NSUN6: variants seen among roughly 807,000 people sequenced by gnomAD.
The protein encoded by NSUN6 is tRNA (cytosine(72)-C(5))-methyltransferase NSUN6.
NSUN6 carries 64 observed loss-of-function variants against 58.0 expected under a neutral mutation model. The observed-to-expected ratio is 1.10, with a 90% confidence interval of 0.90 to 1.36. The LOEUF is 1.36. NSUN6 is among the 40% of genes most tolerant of loss of function. The pLI is 0.00. For missense variants in NSUN6, 701 were observed against 550.1 expected, an observed-to-expected ratio of 1.27 and a Z score of -2.74; for synonymous variants, 231 against 193.9, an observed-to-expected ratio of 1.19 and a Z score of -1.59.
intron 6 of NSUN6, among the ~76,000 whole-genome samples, chr10:18,603,483 T>C (rs1268892892): frequency 6.6e-6 from 1 of 151,492 alleles, no homozygotes; most frequent in Non-Finnish European, 1.5e-5. Flanking sequence ...CTTTTCTTTT[T>C]TTTTGGGATG....
At chr10:18,651,917 C>A (rs1457420377), upstream of NSUN6, 2 of 985,432 alleles carry the variant, frequency 2.0e-6, no homozygotes. Flanking sequence ...TGAAAAAAGG[C>A]ACAGCCCAGT....
At chr10:18,637,810 T>C (rs1347474098) in intron 3 of NSUN6, among the ~76,000 whole-genome samples, 2 of 152,266 alleles carry the variant, frequency 1.3e-5, no homozygotes, top group Non-Finnish European at 2.9e-5. Flanking sequence ...TAGTGTTATA[T>C]AATTGTGAGA....
chr10:18,555,653 A>AGAATGGAATG (rs140039483), intron 8 of NSUN6, among the ~76,000 whole-genome samples: 88,234 of 146,992 alleles, frequency 0.6, 26,826 homozygotes, highest in East Asian at 0.94. Context: ...AATGGAGAAC[A>AGAATGGAATG]GAATGGAATG....
chr10:18,594,514 T>C lies in NSUN6; in HGVS notation c.777+1694A>G, dbSNP rs1488032366. On this transcript the variant is annotated intron_variant, in intron 7 of 10. Transcript: ENST00000377304. ...CCCATGCTGGAGTGCAGTGGCGCGA[T>C]CTTGGCTCACTGCAATCTCTGCCTC... 2.6e-5 allele frequency among the ~76,000 whole-genome samples: 4 copies of C among 152,010 alleles called. No homozygotes were observed. The East Asian group carries it at 5.8e-4, about 22-fold the overall frequency.
At chr10:18,630,858 A>G (rs2059005654) in intron 3 of NSUN6, among the ~76,000 whole-genome samples, 1 of 152,132 alleles carries the variant, frequency 6.6e-6, no homozygotes, top group Non-Finnish European at 1.5e-5. Flanking sequence ...TTCTGAAACT[A>G]TTCCAATCAA....
At chr10:18,638,848 G>A (rs2059302780) in intron 3 of NSUN6, among the ~76,000 whole-genome samples, 1 of 144,410 alleles carries the variant, frequency 6.9e-6, no homozygotes, top group Non-Finnish European at 1.5e-5. Context: ...CATTAATAAA[G>A]ATAAGAAATG....
chr10:18,616,379 C>T, intron 3 of NSUN6, 86 bp from the exon 4 acceptor site: 2 of 762,756 alleles, frequency 2.6e-6, no homozygotes, highest in Non-Finnish European at 4.6e-6. Flanking sequence ...AACTCTAATG[C>T]CTCTTTAGTC....
chr10:18,579,196 G>A lies in NSUN6; in HGVS notation c.922+6753C>T, dbSNP rs151226105. On this transcript the variant is annotated intron_variant, in intron 8 of 10. Coordinates refer to ENST00000377304, the MANE Select transcript of NSUN6 (RefSeq NM_182543.5). ...TTTATTACTATTTTTTTTTTGAGAC[G>A]GAGTCTCGCTCTGTCACCCAGGCTG... Among the ~76,000 whole-genome samples, 572 of 151,518 alleles carry A rather than the reference G, an allele frequency of 3.8e-3. 3 individuals are homozygous for A. Among genetic ancestry groups the A allele is most frequent in the African/African-American group, 0.012 (514 of 41,322 alleles).
intron 8 of NSUN6, among the ~76,000 whole-genome samples, chr10:18,567,636 T>C (rs2056060145): frequency 6.6e-6 from 1 of 151,070 alleles, no homozygotes; most frequent in East Asian, 1.9e-4. Flanking sequence ...CTCTATTCCA[T>C]TCTCCATTCC....
At chr10:18,566,244 A>C (rs1038467112) in intron 8 of NSUN6, among the ~76,000 whole-genome samples, 5 of 139,892 alleles carry the variant, frequency 3.6e-5, no homozygotes, top group African/African-American at 1.4e-4. Context: ...AATCCATTCC[A>C]TTCCACATTC....
chr10:18,658,013 C>A (rs2059797048), upstream of NSUN6, among the ~76,000 whole-genome samples: 1 of 148,590 alleles, frequency 6.7e-6, no homozygotes, highest in African/African-American at 2.5e-5. Flanking sequence ...ATGTGGTTTA[C>A]ATCCATGTCT....
At chr10:18,571,455 T>C (rs559549562) in intron 8 of NSUN6, among the ~76,000 whole-genome samples, 1 of 150,150 alleles carries the variant, frequency 6.7e-6, no homozygotes, top group South Asian at 2.1e-4. Flanking sequence ...CCATTCTCTA[T>C]TCCATTCCAA....
intron 2 of NSUN6, among the ~76,000 whole-genome samples, chr10:18,642,851 T>C (rs1446095557): frequency 6.6e-6 from 1 of 152,222 alleles, no homozygotes; most frequent in Non-Finnish European, 1.5e-5. Flanking sequence ...TTTTATTTAA[T>C]ATAGAATTAC....
rs192400349 is a variant in NSUN6, at chr10:18,628,093, G to C, written c.312-11800C>G. 1.2e-3 allele frequency among the ~76,000 whole-genome samples: 179 copies of C among 152,284 alleles called. 1 individual carries two copies. The highest frequency in any genetic ancestry group is 2.0e-3 in the Non-Finnish European group (137 of 68,028). On this transcript the variant is annotated intron_variant, in intron 3 of 10. Transcript: ENST00000377304. ...GGCAGACTGCCTCAAGTGGGTCCCT[G>C]ACCCCTGACCCCTGAGCAGCCTAAC... is the stretch of plus-strand genomic sequence containing the variant.
intron 6 of NSUN6, among the ~76,000 whole-genome samples, chr10:18,597,328 T>C (rs1248909177): frequency 6.6e-6 from 1 of 152,180 alleles, no homozygotes; most frequent in Non-Finnish European, 1.5e-5. Context: ...TGGAGTTACT[T>C]GTTTGGTTAT....
intron 10 of NSUN6, among the ~76,000 whole-genome samples, chr10:18,546,695 A>T (rs2054283518): frequency 1.3e-5 from 2 of 151,948 alleles, no homozygotes; most frequent in Admixed American, 1.3e-4. Flanking sequence ...CTGGCCAACA[A>T]GGTGACACCC....
intron 6 of NSUN6, among the ~76,000 whole-genome samples, chr10:18,598,314 C>G (rs779493710): frequency 1.4e-4 from 22 of 152,228 alleles, no homozygotes; most frequent in African/African-American, 4.1e-4. Flanking sequence ...CTCAGCCCGC[C>G]TGCACCCAGG....
rs2057830751 is a variant in NSUN6 at position 18,601,338 on chromosome 10, T to C, written c.658-5011A>G. Among the ~76,000 whole-genome samples the C allele has an allele frequency of 2.0e-5, 3 of 152,156 alleles. No individual in the cohort carries two copies. In the South Asian group the frequency reaches 6.2e-4, roughly 32 times the overall value. On this transcript the variant is annotated intron_variant, in intron 6 of 10. Coordinates refer to ENST00000377304, the MANE Select transcript of NSUN6 (RefSeq NM_182543.5). ...ATAGAATTTTAGTTCAAAATGAAAC[T>C]ACGTCACAGACTTCTCTGTGGGCCC...
At chr10:18,606,338 T>C (rs1020043426) in intron 6 of NSUN6, among the ~76,000 whole-genome samples, 9 of 151,806 alleles carry the variant, frequency 5.9e-5, no homozygotes, top group African/African-American at 1.9e-4. Context: ...TGAGTGACAT[T>C]AACAAAATAC....
Sources: gnomAD v4.1 joint callset for allele counts (sites outside exome capture counted in the v4.1 genomes callset) on GRCh38, gnomAD v4.1.1 for gene constraint, MANE v1.5 for transcripts, NCBI Gene and HGNC (gene_info 2026-07-23, HGNC 2026-07-21) for gene names.